The following COL9A2 variants were observed in gnomAD, a reference collection of about 807,000 sequenced individuals.
COL9A2 encodes collagen alpha-2(IX) chain.
In COL9A2, 66 loss-of-function variants were observed where a neutral mutation model predicts 111.6. The ratio of observed to expected loss-of-function variants is 0.59; its 90% CI spans 0.48 to 0.73. The LOEUF is 0.73. COL9A2 is among the 30% of genes least tolerant of loss of function. The pLI, the probability that COL9A2 is intolerant of heterozygous loss-of-function variation, is 0.00. For synonymous variants in COL9A2, 353 were observed against 364.1 expected, an observed-to-expected ratio of 0.97 and a Z score of 0.35; for missense variants, 881 against 954.1, an observed-to-expected ratio of 0.92 and a Z score of 1.01.
Position 40,303,598 on chromosome 1 carries a change from G to A in COL9A2, c.1480C>T (p.Pro494Ser), listed in dbSNP as rs202143849. The part of the protein sequence containing the change: ...GAPGVQGYPG[P>S]PGPRGLAGNR... ...CCGGCCAGTCCTCGAGGGCCGGGGG[G>A]ACCAGGGTAGCCCTGAACCCCTGGG... Residue 494 changes from proline (P) to serine (S), a missense_variant, in exon 28 of 32, where the codon CCC becomes TCC. Physicochemically the swap from Pro to Ser is moderately conservative, Grantham distance 74. Coordinates refer to ENST00000372748, the MANE Select transcript of COL9A2 (RefSeq NM_001852.4). The surrounding 1 kb of genome is among the most constrained non-coding windows in gnomAD (Gnocchi z 4.6). The A allele has an allele frequency of 2.3e-4, 366 of 1,607,212 alleles. 2 individuals carry two copies. The African/African-American group carries it at 4.2e-3, about 18-fold the overall frequency.
Position 40,315,584 on chromosome 1 carries a change from A to T in COL9A2, c.150+6T>A. 3.2e-6 allele frequency: 5 copies of T among 1,551,482 alleles called. No individual in the cohort carries two copies. Among genetic ancestry groups the T allele is most frequent in the Non-Finnish European group, 4.4e-6 (5 of 1,146,830 alleles). On this transcript the variant is annotated splice_donor_region_variant and intron_variant, in intron 2 of 31. Transcript: ENST00000372748. Reference sequence around the variant, plus strand: ...CTCCCGCCCTGGTCTCAGGTTAGAGACTTACGTCGATGCCGTCGGATCCAG... The same window carrying T: ...CTCCCGCCCTGGTCTCAGGTTAGAGTCTTACGTCGATGCCGTCGGATCCAG...
intron 16 of COL9A2, 130 bp downstream of exon 16, chr1:40,309,804 ACACT>A (rs370463014): frequency 3.0e-4 from 255 of 858,032 alleles, no homozygotes; most frequent in African/African-American, 1.0e-3. Flanking sequence ...CACACACTAC[ACACT>A]CACACACACT....
chr1:40,317,275 C>T lies in COL9A2; in HGVS notation c.-78G>A, dbSNP rs1479965218. 4 of 698,274 alleles carry T rather than the reference C, an allele frequency of 5.7e-6. No individual in the cohort carries two copies. The highest frequency in any genetic ancestry group is 1.5e-5 in the South Asian group (1 of 66,770). The allele number at this position is 698,274 out of a possible 1,614,324, so 43.3% of individuals were successfully genotyped here. On this transcript the variant is annotated 5_prime_UTR_variant, in exon 1 of 32. Transcript: ENST00000372748. The surrounding 1 kb of genome is among the most constrained non-coding windows in gnomAD (Gnocchi z 4.3). ...GCAGAGTCTCCCGGCGCTCCTCCAGCGCTGGCTGTTCGCGGGCAGGGTGGG... is the reference window on the plus strand; with the variant it reads ...GCAGAGTCTCCCGGCGCTCCTCCAGTGCTGGCTGTTCGCGGGCAGGGTGGG...
At chr1:40,305,642 C>T in intron 21 of COL9A2, 73 bp downstream of exon 21, 1 of 1,394,646 alleles carries the variant, frequency 7.2e-7, no homozygotes, top group Non-Finnish European at 1.0e-6. Flanking sequence ...TCGGAGCTCT[C>T]CCTAGGTTAG....
Position 40,302,552 on chromosome 1 carries a change from T to A in COL9A2, c.1792+69A>T. The A allele has an allele frequency of 6.6e-7, 1 of 1,510,420 alleles. No homozygotes were observed. Among genetic ancestry groups the A allele is most frequent in the Non-Finnish European group, 8.9e-7 (1 of 1,118,536 alleles). The allele number at this position is 1,510,420 out of a possible 1,614,324, so 93.6% of individuals were successfully genotyped here. A position where few individuals can be genotyped will look rare whatever the true frequency, so the allele number is the denominator to read the frequency against. On this transcript the variant is annotated intron_variant, in intron 30 of 31. Coordinates refer to ENST00000372748, the MANE Select transcript of COL9A2 (RefSeq NM_001852.4). The surrounding 1 kb of genome is among the most constrained non-coding windows in gnomAD (Gnocchi z 4.5). ...TCTGTATGTCATCCTGAGAAGGGAA[T>A]GGGGAAAGGGCCGGCCTGGACAAAT...
In COL9A2 at chr1:40,314,850, A is replaced by G. The variant is rs150553533; in HGVS notation, c.151-463T>C. On this transcript the variant is annotated intron_variant, in intron 2 of 31. Coordinates refer to ENST00000372748, the MANE Select transcript of COL9A2 (RefSeq NM_001852.4). This position sits in a 1 kb window ranked among gnomAD's most constrained non-coding sequence, Gnocchi z 4.1. ...GAGCCAGTGGCAAGGACCAAGGGGG[A>G]CTGCAAGGGGGAAATTCAGTGTTCC... Among the ~76,000 whole-genome samples the G allele has an allele frequency of 2.2e-4, 34 of 152,050 alleles. No homozygotes were observed. The highest frequency in any genetic ancestry group is 7.0e-4 in the African/African-American group (29 of 41,406).
chr1:40,301,628 A>G (rs183518528), intron 31 of COL9A2, among the ~76,000 whole-genome samples, 184 bp downstream of exon 31: 1 of 152,334 alleles, frequency 6.6e-6, no homozygotes, highest in East Asian at 1.9e-4. Context: ...AAGTCCTGAG[A>G]GGCCCAGCTT....
At position 40,312,813 on chromosome 1, in the gene COL9A2, T is replaced by C; in HGVS notation, c.250-29A>G. The C allele has an allele frequency of 6.5e-7, 1 of 1,546,688 alleles. No individual in the cohort carries two copies. Among genetic ancestry groups the C allele is most frequent in the Non-Finnish European group, 8.7e-7 (1 of 1,143,858 alleles). ...GGGAAGAATGAAAATGTAGGATCAA[T>C]GAGGGCCAACCTGCTCCCTGACCCA... On this transcript the variant is annotated intron_variant, in intron 4 of 31. Coordinates refer to ENST00000372748, the MANE Select transcript of COL9A2 (RefSeq NM_001852.4). This position sits in a 1 kb window ranked among gnomAD's most constrained non-coding sequence, Gnocchi z 6.0.
chr1:40,304,289 T>A (rs1201738010), intron 24 of COL9A2, 31 bp downstream of exon 24: 2 of 1,551,244 alleles, frequency 1.3e-6, no homozygotes, highest in African/African-American at 2.7e-5. Context: ...TAGGGCCCCT[T>A]TCCCAGGTGT....
At chr1:40,304,241 G>A in intron 24 of COL9A2, 79 bp downstream of exon 24, 2 of 1,534,808 alleles carry the variant, frequency 1.3e-6, no homozygotes, top group South Asian at 2.4e-5. Flanking sequence ...GGAGGCTCCG[G>A]AAGGATCTGA....
rs1644091181 is a variant in COL9A2 at position 40,309,861 on chromosome 1, A to G, written c.846+77T>C. ...CACACACTCATGCACTCTCACACAC[A>G]CAGCCTTAGGGGGTGCCTTGTCCTG... On this transcript the variant is annotated intron_variant, in intron 16 of 31. Transcript: ENST00000372748. 2.1e-6 allele frequency: 3 copies of G among 1,451,444 alleles called. No individual in the cohort carries two copies. In the Admixed American group the frequency reaches 5.0e-5, roughly 24 times the overall value. 89.9% of individuals were successfully genotyped at this position (1,451,444 alleles called of 1,614,324 possible).
At chr1:40,308,702 A>T (rs1032548462) in intron 16 of COL9A2, among the ~76,000 whole-genome samples, 4 of 152,254 alleles carry the variant, frequency 2.6e-5, no homozygotes, top group Admixed American at 2.0e-4. Context: ...TAATGTGATT[A>T]TGTGAGAATG....
rs1019897438 is a variant in COL9A2 at position 40,307,784 on chromosome 1, G to T, written c.901-28C>A. On this transcript the variant is annotated intron_variant, in intron 17 of 31. Coordinates refer to ENST00000372748, the MANE Select transcript of COL9A2 (RefSeq NM_001852.4). The surrounding 1 kb of genome is among the most constrained non-coding windows in gnomAD (Gnocchi z 4.8). ...ACCCAGGAGGAAAGTTCAAGGGAGAGTGATAATGCGGAGATGTCTGGGGTC... is the reference window on the plus strand; with the variant it reads ...ACCCAGGAGGAAAGTTCAAGGGAGATTGATAATGCGGAGATGTCTGGGGTC... 6 of 1,612,820 alleles carry T rather than the reference G, an allele frequency of 3.7e-6. No homozygotes were observed. In the African/African-American group the frequency reaches 6.7e-5, roughly 18 times the overall value.
intron 2 of COL9A2, chr1:40,315,372 T>C (rs984386780): frequency 1.4e-6 from 2 of 1,385,426 alleles, no homozygotes; most frequent in African/African-American, 1.5e-5. Context: ...AGCAGCTCCT[T>C]GTCTGTCGGC....
At position 40,309,874 on chromosome 1, in the gene COL9A2, G is replaced by C. The variant is rs564927613; in HGVS notation, c.846+64C>G. On this transcript the variant is annotated intron_variant, in intron 16 of 31. Coordinates refer to ENST00000372748, the MANE Select transcript of COL9A2 (RefSeq NM_001852.4). ...ACTCTCACACACACAGCCTTAGGGG[G>C]TGCCTTGTCCTGCCCAGTACTCCCC... 84 of 1,529,918 alleles carry C rather than the reference G, an allele frequency of 5.5e-5. 2 individuals are homozygous for C. The South Asian group carries it at 9.1e-4, about 17-fold the overall frequency. 94.8% of individuals were successfully genotyped at this position (1,529,918 alleles called of 1,614,324 possible). A position where few individuals can be genotyped will look rare whatever the true frequency, so the allele number is the denominator to read the frequency against.
chr1:40,308,161 G>A, intron 17 of COL9A2, 31 bp downstream of exon 17: 2 of 1,610,990 alleles, frequency 1.2e-6, no homozygotes, highest in Non-Finnish European at 1.7e-6. Flanking sequence ...CCTGGCCTCT[G>A]TCCTGGTGGG....
chr1:40,313,448 C>T (rs984532171), intron 4 of COL9A2, among the ~76,000 whole-genome samples: 25 of 152,346 alleles, frequency 1.6e-4, no homozygotes, highest in African/African-American at 6.0e-4. Flanking sequence ...GGATTACAGG[C>T]ATAAGCCACC....
At position 40,302,534 on chromosome 1, in the gene COL9A2, G is replaced by A; in HGVS notation, c.1792+87C>T. On this transcript the variant is annotated intron_variant, in intron 30 of 31. Coordinates refer to ENST00000372748, the MANE Select transcript of COL9A2 (RefSeq NM_001852.4). The surrounding 1 kb of genome is among the most constrained non-coding windows in gnomAD (Gnocchi z 4.5). ...TGAGGAACCGGGGAAGGGTCTGTATGTCATCCTGAGAAGGGAATGGGGAAA... is the reference window on the plus strand; with the variant it reads ...TGAGGAACCGGGGAAGGGTCTGTATATCATCCTGAGAAGGGAATGGGGAAA... The A allele has an allele frequency of 6.9e-7, 1 of 1,446,084 alleles. No homozygotes were observed. Among genetic ancestry groups the A allele is most frequent in the Non-Finnish European group, 9.4e-7 (1 of 1,063,420 alleles). 89.6% of individuals were successfully genotyped at this position (1,446,084 alleles called of 1,614,324 possible). A position where few individuals can be genotyped will look rare whatever the true frequency, so the allele number is the denominator to read the frequency against.
intron 4 of COL9A2, among the ~76,000 whole-genome samples, chr1:40,313,131 T>C (rs1644158573): frequency 6.6e-6 from 1 of 151,986 alleles, no homozygotes; most frequent in Non-Finnish European, 1.5e-5. Context: ...AACTTTTTCA[T>C]TTTCTTTTCT....
Sources: allele counts gnomAD v4.1 joint callset (sites outside exome capture counted in the v4.1 genomes callset), GRCh38; gene constraint gnomAD v4.1.1; non-coding constraint Gnocchi (gnomAD v3.1); transcripts MANE v1.5; gene names NCBI Gene and HGNC (gene_info 2026-07-23, HGNC 2026-07-21).